Variants in CASD1 observed in about 807,000 individuals in gnomAD.
The protein encoded by CASD1 is N-acetylneuraminate (7)9-O-acetyltransferase.
In CASD1, 41 loss-of-function variants were observed where a neutral mutation model predicts 100.0. The observed-to-expected ratio is 0.41, with a 90% CI of 0.32 to 0.53. The LOEUF (loss-of-function observed/expected upper bound fraction) is 0.53. Ranked by LOEUF, CASD1 falls within the 20% of genes least tolerant of loss-of-function variation. The pLI is 0.25. For missense variants in CASD1, 774 were observed against 948.7 expected (o/e 0.82, Z 2.42); for synonymous variants, 321 against 315.6 (o/e 1.02, Z -0.18).
chr7:94,556,593 T>C lies in CASD1; in HGVS notation c.*835T>C, dbSNP rs1796213558. 6.6e-6 allele frequency: 1 copy of C among 152,066 alleles called. No homozygotes were observed. The highest frequency in any genetic ancestry group is 2.1e-4 in the South Asian group (1 of 4,826). The allele number at this position is 152,066 out of a possible 1,614,324, so 9.4% of individuals were successfully genotyped here. On this transcript the variant is annotated 3_prime_UTR_variant, in exon 18 of 18. Coordinates refer to ENST00000297273, the MANE Select transcript of CASD1 (RefSeq NM_022900.5). ...TAATTTTCGTATATTATTTCCAATA[T>C]TTGGAAAGCTCTTTATAGCCATTTG...
the CASD1 span, among the ~76,000 whole-genome samples, chr7:94,571,332 C>G: frequency 2.0e-5 from 3 of 152,118 alleles, no homozygotes; most frequent in African/African-American, 7.2e-5. Flanking sequence ...CATGAGCCAC[C>G]ATGTCCAGTC....
At chr7:94,628,473 T>A in the CASD1 span, 1 of 794,014 alleles carries the variant, frequency 1.3e-6, no homozygotes, top group Non-Finnish European at 2.1e-6. Flanking sequence ...TGTAGCCAAC[T>A]AAATACACAC....
At chr7:94,568,612 A>G in the CASD1 span, among the ~76,000 whole-genome samples, 2 of 152,208 alleles carry the variant, frequency 1.3e-5, no homozygotes, top group African/African-American at 4.8e-5. Flanking sequence ...TTGATGATAA[A>G]AGAACAAACG....
chr7:94,518,088 C>A (rs1794068723), intron 2 of CASD1, 115 bp from the exon 3 acceptor site: 2 of 1,008,906 alleles, frequency 2.0e-6, no homozygotes, highest in Non-Finnish European at 2.8e-6. Flanking sequence ...GCTTATAAAG[C>A]AATATAATGG....
chr7:94,518,135 G>T, intron 2 of CASD1, 68 bp from the exon 3 acceptor site: 1 of 1,372,506 alleles, frequency 7.3e-7, no homozygotes, highest in Non-Finnish European at 9.7e-7. Flanking sequence ...CTTCAAAAAC[G>T]GTGTGCTTTG....
intron 5 of CASD1, among the ~76,000 whole-genome samples, chr7:94,530,456 T>C (rs915762909): frequency 2.0e-5 from 3 of 152,178 alleles, no homozygotes; most frequent in South Asian, 2.1e-4. Context: ...TCAGCCATAC[T>C]GGGGGAGTGG....
Position 94,509,974 on chromosome 7 carries a change from G to A in CASD1, c.-111G>A. The A allele has an allele frequency of 8.1e-7, 1 of 1,232,692 alleles. No homozygotes were observed. The highest frequency in any genetic ancestry group is 1.0e-6 in the Non-Finnish European group (1 of 978,826). 76.4% of individuals were successfully genotyped at this position (1,232,692 alleles called of 1,614,324 possible). A position where few individuals can be genotyped will look rare whatever the true frequency, so the allele number is the denominator to read the frequency against. ...GGCGGGAGGCGCAGGTGGCGGCCTGGGGAGCTGGCGGCCGCTCCTCGCCTG... is the reference window on the plus strand; with the variant it reads ...GGCGGGAGGCGCAGGTGGCGGCCTGAGGAGCTGGCGGCCGCTCCTCGCCTG... On this transcript the variant is annotated 5_prime_UTR_variant, in exon 1 of 18. Transcript: ENST00000297273.
chr7:94,553,308 C>T (rs1019345599), intron 16 of CASD1, among the ~76,000 whole-genome samples: 3 of 151,886 alleles, frequency 2.0e-5, no homozygotes, highest in Non-Finnish European at 4.4e-5. Context: ...AAAAAAAGAC[C>T]CACAAGATTA....
intron 11 of CASD1, among the ~76,000 whole-genome samples, chr7:94,545,235 A>G (rs1319142719): frequency 6.6e-6 from 1 of 152,122 alleles, no homozygotes; most frequent in Non-Finnish European, 1.5e-5. Flanking sequence ...CTATGCTTCT[A>G]CACTATAGCC....
the CASD1 span, among the ~76,000 whole-genome samples, chr7:94,603,066 G>T: frequency 6.6e-6 from 1 of 152,110 alleles, no homozygotes; most frequent in African/African-American, 2.4e-5. Flanking sequence ...AGCTAATCCA[G>T]CCCCAGCAAT....
the CASD1 span, among the ~76,000 whole-genome samples, chr7:94,580,721 A>G: frequency 6.6e-6 from 1 of 152,206 alleles, no homozygotes; most frequent in Non-Finnish European, 1.5e-5. Flanking sequence ...GCCACCAATT[A>G]TTTCACAATG....
chr7:94,543,653 CAAA>C (rs35005944), intron 10 of CASD1, among the ~76,000 whole-genome samples: 13 of 139,434 alleles, frequency 9.3e-5, no homozygotes, highest in Admixed American at 2.9e-4. Context: ...AGACTGTCTC[CAAA>C]AAAAAAAAAA....
chr7:94,592,974 T>A, the CASD1 span, among the ~76,000 whole-genome samples: 1 of 152,124 alleles, frequency 6.6e-6, no homozygotes, highest in Non-Finnish European at 1.5e-5. Flanking sequence ...TCTGAAATAT[T>A]CTTGGCTGCC....
chr7:94,577,598 A>G, the CASD1 span, among the ~76,000 whole-genome samples: 6 of 152,256 alleles, frequency 3.9e-5, no homozygotes, highest in Admixed American at 6.5e-5. Flanking sequence ...GAGCAGTCAC[A>G]CAGCCCTACA....
At chr7:94,588,300 G>C in the CASD1 span, 2 of 1,070,428 alleles carry the variant, frequency 1.9e-6, no homozygotes, top group Non-Finnish European at 2.3e-6. Flanking sequence ...TAGTCACAAT[G>C]GTTTCCTTTT....
At chr7:94,609,999 C>A in the CASD1 span, among the ~76,000 whole-genome samples, 2 of 152,016 alleles carry the variant, frequency 1.3e-5, no homozygotes, top group Non-Finnish European at 2.9e-5. Flanking sequence ...CGTGGTACAT[C>A]CAGAAAATGG....
chr7:94,581,944 C>G, the CASD1 span, among the ~76,000 whole-genome samples: 1 of 152,166 alleles, frequency 6.6e-6, no homozygotes, highest in African/African-American at 2.4e-5. Context: ...CTTTGAGGAA[C>G]CACCACAGTG....
At chr7:94,614,926 C>G in the CASD1 span, among the ~76,000 whole-genome samples, 1 of 151,990 alleles carries the variant, frequency 6.6e-6, no homozygotes, top group African/African-American at 2.4e-5. Flanking sequence ...GTTGCATTGA[C>G]TTCATTTGTT....
intron 5 of CASD1, among the ~76,000 whole-genome samples, chr7:94,529,797 A>G (rs1023996865): frequency 2.0e-5 from 3 of 152,174 alleles, no homozygotes; most frequent in Non-Finnish European, 4.4e-5. Flanking sequence ...TACCATGGAT[A>G]GACACTTAGG....
Sources: gnomAD v4.1 joint callset for allele counts (sites outside exome capture counted in the v4.1 genomes callset) on GRCh38, gnomAD v4.1.1 for gene constraint, MANE v1.5 for transcripts, NCBI Gene and HGNC (gene_info 2026-07-23, HGNC 2026-07-21) for gene names.